The following CDC27 variants were observed in gnomAD, a reference collection of about 807,000 sequenced individuals.
The protein encoded by CDC27 is cell division cycle protein 27 homolog.
Under a neutral mutation model 109.7 loss-of-function variants are expected in CDC27, and 27 were observed. The observed-to-expected ratio is 0.25, with a 90% CI of 0.18 to 0.34. The LOEUF is 0.34. Among genes scored for constraint, CDC27 ranks in the 10% least tolerant of loss-of-function variants. The probability of loss-of-function intolerance (pLI) is 1.00; values close to 1 mark genes in which losing one functional copy is unlikely to be tolerated. For synonymous variants in CDC27, 266 were observed against 333.9 expected, an observed-to-expected ratio of 0.80 and a Z score of 2.22; for missense variants, 579 against 960.2, an observed-to-expected ratio of 0.60 and a Z score of 5.25.
chr17:47,154,960 A>AT, intron 7 of CDC27, 174 bp from the exon 8 acceptor site: 2 of 414,232 alleles, frequency 4.8e-6, no homozygotes, highest in Non-Finnish European at 8.5e-6. Context: ...TCCACCCACC[A>AT]TAACTAAAAT....
At chr17:47,133,236 C>T (rs1242647236) in intron 14 of CDC27, among the ~76,000 whole-genome samples, 1 of 147,312 alleles carries the variant, frequency 6.8e-6, no homozygotes, top group Non-Finnish European at 1.5e-5. Flanking sequence ...CCCACAGGTT[C>T]AAGCAATTCT....
chr17:47,144,248 A>C (rs968640867), intron 9 of CDC27, among the ~76,000 whole-genome samples: 1 of 152,156 alleles, frequency 6.6e-6, no homozygotes, highest in Non-Finnish European at 1.5e-5. Flanking sequence ...AATCCTTAAT[A>C]AACTTTCCTT....
chr17:47,126,884 C>A (rs2062157211), intron 16 of CDC27, among the ~76,000 whole-genome samples: 1 of 152,154 alleles, frequency 6.6e-6, no homozygotes, highest in Non-Finnish European at 1.5e-5. Flanking sequence ...ACCTCCGCCT[C>A]ATGGGTTCAA....
Position 47,154,804 on chromosome 17 carries a change from T to A in CDC27, c.843-18A>T. 7.8e-7 allele frequency: 1 copy of A among 1,282,542 alleles called. No individual in the cohort carries two copies. Among genetic ancestry groups the A allele is most frequent in the Non-Finnish European group, 1.1e-6 (1 of 884,090 alleles). The allele number at this position is 1,282,542 out of a possible 1,614,324, so 79.4% of individuals were successfully genotyped here. On this transcript the variant is annotated intron_variant, in intron 7 of 18. Coordinates refer to ENST00000066544, the MANE Select transcript of CDC27 (RefSeq NM_001256.6). ...TCCCAAAACTGAGAAGAGGTTGAAA[T>A]CAAGGTGTCAAAAAGTCATCAAGGC...
chr17:47,138,598 G>A (rs977403362), intron 13 of CDC27, 141 bp downstream of exon 13: 4 of 567,154 alleles, frequency 7.1e-6, no homozygotes, highest in Non-Finnish European at 1.2e-5. Flanking sequence ...CTTCCTCTCT[G>A]AGTCCCTGAC....
intron 4 of CDC27, among the ~76,000 whole-genome samples, chr17:47,162,466 T>C (rs2063525213): frequency 6.6e-6 from 1 of 152,218 alleles, no homozygotes; most frequent in African/African-American, 2.4e-5. Context: ...TTTGCCATTT[T>C]TATACTACCT....
At chr17:47,165,499 T>C (rs115629862) in intron 4 of CDC27, among the ~76,000 whole-genome samples, 2,368 of 152,282 alleles carry the variant, frequency 0.016, 48 homozygotes, top group African/African-American at 0.05. Flanking sequence ...ATTCAATTGT[T>C]TTACTTATTT....
At chr17:47,186,412 G>C (rs187146180) in intron 1 of CDC27, among the ~76,000 whole-genome samples, 1 of 152,032 alleles carries the variant, frequency 6.6e-6, no homozygotes, top group African/African-American at 2.4e-5. Context: ...ATTAATTTTC[G>C]AAAGGCTTAT....
intron 14 of CDC27, among the ~76,000 whole-genome samples, chr17:47,134,494 T>C (rs2062509675): frequency 6.6e-6 from 1 of 151,782 alleles, no homozygotes. Context: ...TGTTTTGTTT[T>C]GTTTTGTTTT....
At chr17:47,149,077 C>CAAAAAAAAAA (rs71138591) in intron 9 of CDC27, among the ~76,000 whole-genome samples, 10 of 66,736 alleles carry the variant, frequency 1.5e-4, no homozygotes, top group Non-Finnish European at 1.8e-4. Flanking sequence ...GACTCTGTCT[C>CAAAAAAAAAA]AAAAAAAAAA....
intron 4 of CDC27, 38 bp from the exon 5 acceptor site, chr17:47,158,341 C>A: frequency 9.5e-7 from 1 of 1,048,372 alleles, no homozygotes; most frequent in South Asian, 1.9e-5. Flanking sequence ...AAGCTACAAA[C>A]CCCAAAACCT....
chr17:47,151,954 TG>T, intron 8 of CDC27, 36 bp from the exon 9 acceptor site: 1 of 1,562,202 alleles, frequency 6.4e-7, no homozygotes, highest in Middle Eastern at 1.7e-4. Flanking sequence ...TTGTGAATTA[TG>T]GGCTGCACTG....
At chr17:47,181,697 T>C (rs1050624605) in intron 1 of CDC27, 60 bp from the exon 2 acceptor site, 1 of 865,570 alleles carries the variant, frequency 1.2e-6, no homozygotes, top group South Asian at 1.5e-5. Flanking sequence ...AGGTAACTAC[T>C]AGCACACAGC....
chr17:47,148,477 G>A (rs983939968), intron 9 of CDC27, among the ~76,000 whole-genome samples: 4 of 152,150 alleles, frequency 2.6e-5, no homozygotes, highest in Non-Finnish European at 4.4e-5. Context: ...GAGTCCCAGA[G>A]GGAGAGGGTA....
At chr17:47,135,494 G>A (rs1262732215) in intron 14 of CDC27, among the ~76,000 whole-genome samples, 1 of 151,942 alleles carries the variant, frequency 6.6e-6, no homozygotes, top group Non-Finnish European at 1.5e-5. Flanking sequence ...CAACATATCT[G>A]CTTTATTTGA....
intron 9 of CDC27, among the ~76,000 whole-genome samples, chr17:47,147,775 C>G (rs1174657129): frequency 6.6e-6 from 1 of 151,946 alleles, no homozygotes; most frequent in Non-Finnish European, 1.5e-5. Context: ...GTGGCATGTG[C>G]CTGTAGTCCC....
chr17:47,139,641 CGA>C (rs1308050671), intron 12 of CDC27: 2 of 151,922 alleles, frequency 1.3e-5, no homozygotes, highest in East Asian at 1.9e-4. Context: ...CAATTTTTAC[CGA>C]GAGGTTGTGC....
At chr17:47,174,280 T>C (rs2063912936) in intron 2 of CDC27, among the ~76,000 whole-genome samples, 1 of 152,166 alleles carries the variant, frequency 6.6e-6, no homozygotes. Context: ...GCACAGAATA[T>C]GTTTACTGGA....
chr17:47,133,218 A>C (rs1268855513), intron 14 of CDC27, among the ~76,000 whole-genome samples: 1 of 147,328 alleles, frequency 6.8e-6, no homozygotes, highest in Non-Finnish European at 1.5e-5. Context: ...GGCTCACCAC[A>C]ACCTCCACCC....
Sources: gnomAD v4.1 joint callset for allele counts (sites outside exome capture counted in the v4.1 genomes callset) on GRCh38, gnomAD v4.1.1 for gene constraint, MANE v1.5 for transcripts, NCBI Gene and HGNC (gene_info 2026-07-23, HGNC 2026-07-21) for gene names.